Variants in SPATA17 observed in about 807,000 individuals in gnomAD.
SPATA17 encodes spermatogenesis associated 17.
Under a neutral mutation model 62.2 loss-of-function variants are expected in SPATA17, and 53 were observed. The observed-to-expected ratio is 0.85, with a 90% confidence interval of 0.68 to 1.07. The LOEUF (loss-of-function observed/expected upper bound fraction) is 1.07, where lower values mean the gene tolerates loss of function less well. SPATA17 is among the 50% of genes least tolerant of loss of function. The pLI is 0.00. For missense variants in SPATA17, 466 were observed against 425.5 expected (o/e 1.10, Z -0.84); for synonymous variants, 146 against 146.8 (o/e 0.99, Z 0.04).
chr1:217,655,981 G>T (rs958916420), intron 3 of SPATA17, among the ~76,000 whole-genome samples: 3 of 152,030 alleles, frequency 2.0e-5, no homozygotes, highest in Non-Finnish European at 4.4e-5. Context: ...GGGTTCAAGT[G>T]ATTCTCCTGC....
intron 10 of SPATA17, 50 bp downstream of exon 10, chr1:217,862,906 TA>T (rs755382657): frequency 6.5e-6 from 8 of 1,227,726 alleles, no homozygotes; most frequent in South Asian, 1.5e-5. Flanking sequence ...AAATAACACT[TA>T]AAAAATCAAA....
chr1:217,733,770 T>G (rs575254249), intron 5 of SPATA17, among the ~76,000 whole-genome samples: 47 of 152,334 alleles, frequency 3.1e-4, no homozygotes, highest in South Asian at 2.7e-3. Context: ...AACATTTTCC[T>G]TTCATTTTTT....
At chr1:217,658,621 G>A (rs1670494811) in intron 3 of SPATA17, among the ~76,000 whole-genome samples, 1 of 152,078 alleles carries the variant, frequency 6.6e-6, no homozygotes, top group Non-Finnish European at 1.5e-5. Context: ...AGCAGGGCGT[G>A]GTGGCAGGTG....
chr1:217,714,484 G>GTTTTTTTTTTTTTTTT (rs1456324571), intron 5 of SPATA17, among the ~76,000 whole-genome samples: 17 of 123,974 alleles, frequency 1.4e-4, no homozygotes, highest in Non-Finnish European at 2.6e-4. Context: ...TGGAAAACGT[G>GTTTTTTTTTTTTTTTT]TTTCTTTTTT....
Position 217,868,198 on chromosome 1 carries a change from T to C in SPATA17, c.*1179T>C, listed in dbSNP as rs1010309273. On this transcript the variant is annotated 3_prime_UTR_variant, in exon 11 of 11. Transcript: ENST00000366933. ...GGATATTGGTGGTATAAAAGAATTA[T>C]TGGTTTTTTTTAGGTGTCATGGTAT... 1 of 152,188 alleles carries C rather than the reference T, an allele frequency of 6.6e-6. No homozygotes were observed. Among genetic ancestry groups the C allele is most frequent in the Non-Finnish European group, 1.5e-5 (1 of 68,030 alleles). 9.4% of individuals were successfully genotyped at this position (152,188 alleles called of 1,614,324 possible).
chr1:217,825,785 T>C lies in SPATA17; in HGVS notation c.1005+23935T>C, dbSNP rs1349073216. On this transcript the variant is annotated intron_variant, in intron 9 of 10. Transcript: ENST00000366933. ...ATTATTAACCTAAAAGTTTTACCAA[T>C]CACATAAGTATGAAATTAATAATTG... Among the ~76,000 whole-genome samples, 3 of 152,062 alleles carry C rather than the reference T, an allele frequency of 2.0e-5. 1 individual carries two copies. Among genetic ancestry groups the C allele is most frequent in the Admixed American group, 2.0e-4 (3 of 15,248 alleles).
chr1:217,704,230 CTTTTT>C (rs560591615), intron 5 of SPATA17, among the ~76,000 whole-genome samples: 3 of 41,714 alleles, frequency 7.2e-5, no homozygotes, highest in African/African-American at 2.3e-4. Flanking sequence ...TTCCCTCTAC[CTTTTT>C]TTTTTTTTTT....
chr1:217,667,948 C>T (rs903711000), intron 3 of SPATA17, among the ~76,000 whole-genome samples: 1 of 152,188 alleles, frequency 6.6e-6, no homozygotes, highest in Admixed American at 6.5e-5. Flanking sequence ...ATAATCCAGC[C>T]CTGCTGCTCT....
intron 2 of SPATA17, among the ~76,000 whole-genome samples, chr1:217,650,418 TTCTC>T (rs1295509112): frequency 3.9e-5 from 6 of 152,014 alleles, no homozygotes; most frequent in East Asian, 3.9e-4. Flanking sequence ...CTTTCTCTCT[TTCTC>T]TCTCTTTTTT....
chr1:217,790,168 C>T (rs921775591), intron 8 of SPATA17, among the ~76,000 whole-genome samples: 3 of 152,144 alleles, frequency 2.0e-5, no homozygotes, highest in African/African-American at 7.2e-5. Context: ...TTCACTTCCC[C>T]CTTATCTGGG....
At chr1:217,742,901 A>G (rs1272272243) in intron 6 of SPATA17, among the ~76,000 whole-genome samples, 1 of 151,874 alleles carries the variant, frequency 6.6e-6, no homozygotes, top group Admixed American at 6.6e-5. Context: ...CCAGTGGTGA[A>G]GGGTGGGCCC....
At chr1:217,678,978 C>A (rs1671015620) in intron 4 of SPATA17, among the ~76,000 whole-genome samples, 1 of 151,640 alleles carries the variant, frequency 6.6e-6, no homozygotes, top group Non-Finnish European at 1.5e-5. Context: ...TTATAAAAAT[C>A]ATCTTGCTGC....
intron 6 of SPATA17, among the ~76,000 whole-genome samples, chr1:217,764,776 A>G (rs1039333069): frequency 6.6e-6 from 1 of 152,162 alleles, no homozygotes; most frequent in Non-Finnish European, 1.5e-5. Context: ...CAGTTGGTAT[A>G]TAATGATATT....
chr1:217,801,927 T>C (rs1436349014), intron 9 of SPATA17, 77 bp downstream of exon 9: 1 of 1,370,124 alleles, frequency 7.3e-7, no homozygotes, highest in East Asian at 2.6e-5. Context: ...CAAATATAAA[T>C]ATTCTTATTA....
chr1:217,793,752 T>C (rs6694862), intron 8 of SPATA17, among the ~76,000 whole-genome samples: 38,932 of 151,874 alleles, frequency 0.26, 5,357 homozygotes, highest in East Asian at 0.49. Context: ...CCAGGAGCGA[T>C]TGTGCAAATA....
intron 4 of SPATA17, among the ~76,000 whole-genome samples, chr1:217,678,929 G>A (rs140531482): frequency 1.2e-4 from 17 of 139,368 alleles, no homozygotes; most frequent in Admixed American, 1.2e-3. Flanking sequence ...TTTTTTTTTT[G>A]AAGTAGTAAC....
chr1:217,642,175 AT>A (rs1221853093), intron 1 of SPATA17, among the ~76,000 whole-genome samples: 1 of 152,176 alleles, frequency 6.6e-6, no homozygotes, highest in Non-Finnish European at 1.5e-5. Context: ...ATTCATTTAG[AT>A]CACTTGATAA....
chr1:217,717,824 A>C (rs1305460623), intron 5 of SPATA17, among the ~76,000 whole-genome samples: 13 of 152,168 alleles, frequency 8.5e-5, no homozygotes, highest in Admixed American at 8.5e-4. Flanking sequence ...AGAGGTTGCC[A>C]ATCTGTGAGC....
chr1:217,642,138 A>AT (rs1558548407), intron 1 of SPATA17, among the ~76,000 whole-genome samples: 1 of 152,152 alleles, frequency 6.6e-6, no homozygotes, highest in African/African-American at 2.4e-5. Context: ...ATACTACCTG[A>AT]TTTTGACTTG....
Sources: gnomAD v4.1 joint callset for allele counts (sites outside exome capture counted in the v4.1 genomes callset) on GRCh38, gnomAD v4.1.1 for gene constraint, MANE v1.5 for transcripts, NCBI Gene and HGNC (gene_info 2026-07-23, HGNC 2026-07-21) for gene names.